The following NEK10 variants were observed in gnomAD, a reference collection of about 807,000 sequenced individuals.
The protein encoded by NEK10 is serine/threonine-protein kinase Nek10.
A neutral mutation model predicts 159.8 loss-of-function variants in NEK10; 122 were observed. The ratio of observed to expected loss-of-function variants is 0.76; its 90% CI spans 0.66 to 0.89. The LOEUF (loss-of-function observed/expected upper bound fraction) is 0.89, where lower values mean the gene tolerates loss of function less well. NEK10 is among the 40% of genes least tolerant of loss of function. NEK10 has a pLI of 0.00. For missense variants in NEK10, 1,342 were observed against 1,323.1 expected (o/e 1.01, Z -0.22); for synonymous variants, 466 against 457.1 (o/e 1.02, Z -0.25).
intron 5 of NEK10, among the ~76,000 whole-genome samples, chr3:27,337,382 C>A (rs2046879354): frequency 6.6e-6 from 1 of 151,968 alleles, no homozygotes; most frequent in Non-Finnish European, 1.5e-5. Flanking sequence ...AATGACCATA[C>A]TACCCAAAGT....
intron 9 of NEK10, chr3:27,309,624 C>A (rs182519302): frequency 3.9e-5 from 6 of 152,134 alleles, no homozygotes; most frequent in Non-Finnish European, 8.8e-5. Flanking sequence ...ATTCTCTCCC[C>A]CTTCTGATCC....
chr3:27,267,310 G>C (rs550457099), intron 22 of NEK10, among the ~76,000 whole-genome samples: 1 of 152,138 alleles, frequency 6.6e-6, no homozygotes, highest in Non-Finnish European at 1.5e-5. Flanking sequence ...TGTATAGTTT[G>C]CCTCAGCCCT....
chr3:27,293,801 A>T (rs1287516942), intron 15 of NEK10, 149 bp from the exon 16 acceptor site: 1 of 550,152 alleles, frequency 1.8e-6, no homozygotes, highest in South Asian at 2.6e-5. Flanking sequence ...CTGAAAACAA[A>T]AAACACCAAC....
At chr3:27,249,050 G>A (rs932300623) in intron 23 of NEK10, among the ~76,000 whole-genome samples, 1 of 152,176 alleles carries the variant, frequency 6.6e-6, no homozygotes, top group Non-Finnish European at 1.5e-5. Flanking sequence ...TCAAGGGAGA[G>A]ACCAGGTGGA....
At chr3:27,153,959 A>C (rs1422634399) in intron 30 of NEK10, among the ~76,000 whole-genome samples, 2 of 152,168 alleles carry the variant, frequency 1.3e-5, no homozygotes, top group Non-Finnish European at 2.9e-5. Context: ...ACCAAGATCA[A>C]AGCAGAATTA....
chr3:27,265,813 T>C (rs1296807394), intron 22 of NEK10: 1 of 150,316 alleles, frequency 6.7e-6, no homozygotes, highest in Non-Finnish European at 1.5e-5. Context: ...TTTCCTTTTT[T>C]TTTTTTTTTT....
intron 15 of NEK10, 123 bp from the exon 16 acceptor site, chr3:27,293,775 G>A (rs1255648866): frequency 3.6e-6 from 2 of 553,364 alleles, no homozygotes; most frequent in Admixed American, 3.5e-5. Context: ...GTCCAAGTTG[G>A]AGCCAAAGCT....
chr3:27,226,731 T>C (rs1444633846), intron 23 of NEK10, among the ~76,000 whole-genome samples: 6 of 152,168 alleles, frequency 3.9e-5, no homozygotes, highest in African/African-American at 1.4e-4. Context: ...GATGATAAGA[T>C]TTTTATTCTT....
intron 1 of NEK10, among the ~76,000 whole-genome samples, chr3:27,366,039 T>TA (rs962557838): frequency 2.6e-5 from 4 of 152,204 alleles, no homozygotes; most frequent in African/African-American, 9.6e-5. Context: ...AGCTGATGAT[T>TA]ACTATTCCCT....
intron 1 of NEK10, among the ~76,000 whole-genome samples, chr3:27,366,968 G>T (rs1450580038): frequency 6.6e-6 from 1 of 151,970 alleles, no homozygotes; most frequent in African/African-American, 2.4e-5. Context: ...GCGCCACCAT[G>T]CCCAGCTAAT....
chr3:27,157,977 T>G (rs1403286254), intron 30 of NEK10, among the ~76,000 whole-genome samples: 2 of 152,200 alleles, frequency 1.3e-5, no homozygotes, highest in African/African-American at 4.8e-5. Flanking sequence ...ATAGTATATA[T>G]ATTTTTAGAC....
intron 1 of NEK10, among the ~76,000 whole-genome samples, chr3:27,354,191 C>T (rs959842591): frequency 8.5e-5 from 13 of 152,072 alleles, no homozygotes; most frequent in Non-Finnish European, 1.3e-4. Context: ...AAATAGAAGC[C>T]GCAATGACAA....
At chr3:27,306,278 C>T (rs968309438) in intron 11 of NEK10, among the ~76,000 whole-genome samples, 9 of 152,152 alleles carry the variant, frequency 5.9e-5, no homozygotes, top group Non-Finnish European at 1.0e-4. Flanking sequence ...CCTTGTAATC[C>T]TTTGTCATGC....
At chr3:27,255,056 A>C (rs2149318038) in intron 23 of NEK10, 1 of 163,270 alleles carries the variant, frequency 6.1e-6, no homozygotes, top group Admixed American at 6.4e-5. Context: ...TTTGTGTTTT[A>C]ATTGTTCTGC....
chr3:27,173,504 A>G (rs1019774774), intron 28 of NEK10, among the ~76,000 whole-genome samples: 54 of 152,358 alleles, frequency 3.5e-4, no homozygotes, highest in African/African-American at 1.2e-3. Context: ...AATAGGACAG[A>G]ATATTGAAAA....
chr3:27,304,196 A>G lies in NEK10; in HGVS notation c.1028+551T>C, dbSNP rs185116508. Among the ~76,000 whole-genome samples, 239 of 152,332 alleles carry G rather than the reference A, an allele frequency of 1.6e-3. 1 individual carries two copies. The highest frequency in any genetic ancestry group is 6.8e-3 in the Middle Eastern group (2 of 294). ...GAGGACCGTAATGAAGATTAGAGAG[A>G]AAAGTAGAGAACTGGACTAGAGTTA... On this transcript the variant is annotated intron_variant, in intron 12 of 35. Transcript: ENST00000691995.
intron 1 of NEK10, among the ~76,000 whole-genome samples, chr3:27,359,372 C>A (rs925503430): frequency 6.6e-6 from 1 of 152,180 alleles, no homozygotes; most frequent in African/African-American, 2.4e-5. Flanking sequence ...ACTTCCTGTA[C>A]TGACAAGAAG....
chr3:27,352,388 AG>A, intron 3 of NEK10, 76 bp downstream of exon 3: 1 of 895,468 alleles, frequency 1.1e-6, no homozygotes, highest in Non-Finnish European at 1.9e-6. Context: ...TATCATTCAT[AG>A]ATATGTTAAA....
chr3:27,341,130 C>T (rs2047172496), intron 5 of NEK10, among the ~76,000 whole-genome samples: 1 of 151,980 alleles, frequency 6.6e-6, no homozygotes, highest in South Asian at 2.1e-4. Flanking sequence ...CTCACTCATA[C>T]ATGGGAGCTT....
Sources: allele counts gnomAD v4.1 joint callset (sites outside exome capture counted in the v4.1 genomes callset), GRCh38; gene constraint gnomAD v4.1.1; transcripts MANE v1.5; gene names NCBI Gene and HGNC (gene_info 2026-07-23, HGNC 2026-07-21).